TENM4: variants seen among roughly 807,000 people sequenced by gnomAD.
The protein encoded by TENM4 is teneurin-4.
In TENM4, 82 loss-of-function variants were observed where a neutral mutation model predicts 243.3. That is an observed-to-expected ratio of 0.34 (90% CI 0.28 to 0.40). The LOEUF is 0.40. Among genes scored for constraint, TENM4 ranks in the 10% least tolerant of loss-of-function variants. The pLI, the probability that TENM4 is intolerant of heterozygous loss-of-function variation, is 1.00. For synonymous variants in TENM4, 1,412 were observed against 1,456.3 expected (o/e 0.97, Z 0.69); for missense variants, 3,138 against 3,673.3 (o/e 0.85, Z 3.77).
At chr11:78,691,659 T>C (rs1398394522) in intron 28 of TENM4, among the ~76,000 whole-genome samples, 2 of 152,188 alleles carry the variant, frequency 1.3e-5, no homozygotes, top group African/African-American at 4.8e-5. Flanking sequence ...CATAATTACA[T>C]TGATCCTAAA....
In TENM4 at chr11:78,676,235, C is replaced by G. The variant is rs762097519; in HGVS notation, c.5413G>C (p.Asp1805His). ...CACTCCACCAGGTTGAGGCCGTTGT[C>G]GATGGGCAGCGTGACATTCCTCTTG... Reference protein sequence around the residue: ...VGKRNVTLPIDNGLNLVEWRQ... With the variant: ...VGKRNVTLPIHNGLNLVEWRQ... Residue 1805 changes from aspartate (D) to histidine (H), a missense_variant, in exon 30 of 34, where the codon GAC becomes CAC. Coordinates refer to ENST00000278550, the MANE Select transcript of TENM4 (RefSeq NM_001098816.3). The G allele has an allele frequency of 1.2e-5, 19 of 1,607,260 alleles. No individual in the cohort carries two copies. In the East Asian group the frequency reaches 3.8e-4, roughly 32 times the overall value.
At chr11:79,411,717 A>G (rs1467041998) in intron 1 of TENM4, among the ~76,000 whole-genome samples, 5 of 152,122 alleles carry the variant, frequency 3.3e-5, no homozygotes, top group Non-Finnish European at 7.4e-5. Flanking sequence ...GGTTTCCTCT[A>G]TCTCATCTCC....
intron 7 of TENM4, among the ~76,000 whole-genome samples, chr11:78,901,873 T>C (rs758794421): frequency 8.5e-5 from 13 of 152,342 alleles, no homozygotes; most frequent in Middle Eastern, 3.4e-3. Flanking sequence ...GCTGCATCTC[T>C]AAGAATTTTG....
chr11:78,838,069 G>A (rs549185819), intron 12 of TENM4, among the ~76,000 whole-genome samples: 9 of 152,156 alleles, frequency 5.9e-5, no homozygotes, highest in South Asian at 2.1e-4. Context: ...TAGTTCCACC[G>A]CAGCCTCAAT....
At chr11:79,388,158 C>A (rs1469969731) in intron 1 of TENM4, among the ~76,000 whole-genome samples, 3 of 152,144 alleles carry the variant, frequency 2.0e-5, no homozygotes, top group Non-Finnish European at 4.4e-5. Flanking sequence ...CAGGCCTGGG[C>A]CCCAGCAACA....
chr11:79,089,329 C>G (rs1359672378), intron 4 of TENM4, among the ~76,000 whole-genome samples: 1 of 152,228 alleles, frequency 6.6e-6, no homozygotes, highest in African/African-American at 2.4e-5. Flanking sequence ...CTGCTTTGGC[C>G]TGCTAGCTTC....
chr11:79,330,615 T>A (rs896066151), intron 1 of TENM4, among the ~76,000 whole-genome samples: 10 of 152,094 alleles, frequency 6.6e-5, no homozygotes, highest in Non-Finnish European at 1.2e-4. Flanking sequence ...AGGGTAACTG[T>A]GAGAATCAAA....
intron 6 of TENM4, among the ~76,000 whole-genome samples, chr11:78,979,086 C>CAGTG (rs1358439011): frequency 4.6e-5 from 7 of 152,024 alleles, no homozygotes. Context: ...TCTCAGTGTC[C>CAGTG]AGTGGTCTGT....
Position 78,856,035 on chromosome 11 carries a change from T to C in TENM4, c.1399A>G (p.Asn467Asp), listed in dbSNP as rs1247709684. Residue 467 changes from asparagine to aspartate, a missense_variant, in exon 11 of 34, where the codon AAT becomes GAT. By Grantham distance (23) the Asn-to-Asp change is conservative (BLOSUM62 1). Around this residue, in one of 2 missense-constraint regions of TENM4, gnomAD observed 2,467 missense variants for 3,059.1 expected, o/e 0.81. Coordinates refer to ENST00000278550, the MANE Select transcript of TENM4 (RefSeq NM_001098816.3). Reference protein sequence around the residue: ...FIDHPVHLKFNVSLGKAALVG... With the variant: ...FIDHPVHLKFDVSLGKAALVG... ...AGGGCTGCCTTTCCCAGAGACACATTGAATTTCAGATGCACAGGATGGTCT... is the reference window on the plus strand; with the variant it reads ...AGGGCTGCCTTTCCCAGAGACACATCGAATTTCAGATGCACAGGATGGTCT... 4.5e-6 allele frequency: 7 copies of C among 1,551,742 alleles called. No individual in the cohort carries two copies. Among genetic ancestry groups the C allele is most frequent in the Non-Finnish European group, 6.1e-6 (7 of 1,146,992 alleles).
intron 1 of TENM4, among the ~76,000 whole-genome samples, chr11:79,349,709 G>T (rs1016602205): frequency 6.6e-6 from 1 of 152,180 alleles, no homozygotes; most frequent in East Asian, 1.9e-4. Context: ...CAGGGAAAGG[G>T]GAGAGAGAGT....
chr11:79,035,928 T>C (rs1329661382), intron 6 of TENM4, among the ~76,000 whole-genome samples: 1 of 152,220 alleles, frequency 6.6e-6, no homozygotes, highest in Non-Finnish European at 1.5e-5. Context: ...TATTTTCATA[T>C]TATAGTCAGT....
At position 78,988,776 on chromosome 11, in the gene TENM4, G is replaced by A. The variant is rs190506390; in HGVS notation, c.493+75962C>T. Among the ~76,000 whole-genome samples the A allele has an allele frequency of 4.3e-3, 656 of 152,320 alleles. 3 individuals carry two copies. The highest frequency in any genetic ancestry group is 0.015 in the African/African-American group (635 of 41,560). On this transcript the variant is annotated intron_variant, in intron 6 of 33. Coordinates refer to ENST00000278550, the MANE Select transcript of TENM4 (RefSeq NM_001098816.3). ...TACAGCCTCCACCTTCCAGGCTCAA[G>A]CAATCCTCTCACCTCAGCCCCCTGA...
intron 4 of TENM4, among the ~76,000 whole-genome samples, chr11:79,076,673 G>A (rs1860543474): frequency 1.3e-5 from 2 of 152,146 alleles, no homozygotes; most frequent in African/African-American, 4.8e-5. Context: ...GGCTTGGATG[G>A]ATCTGGAAGG....
intron 2 of TENM4, among the ~76,000 whole-genome samples, chr11:79,281,386 T>G (rs979003555): frequency 6.6e-6 from 1 of 152,218 alleles, no homozygotes; most frequent in Non-Finnish European, 1.5e-5. Context: ...AGTCTTATTT[T>G]CATAAGAGAT....
intron 12 of TENM4, among the ~76,000 whole-genome samples, chr11:78,838,934 T>A (rs1391094299): frequency 1.3e-5 from 2 of 152,208 alleles, no homozygotes; most frequent in African/African-American, 4.8e-5. Flanking sequence ...TCCAAGTTAT[T>A]GCAAAAACAT....
intron 1 of TENM4, among the ~76,000 whole-genome samples, chr11:79,313,529 C>A (rs971737166): frequency 6.6e-6 from 1 of 152,208 alleles, no homozygotes; most frequent in Non-Finnish European, 1.5e-5. Context: ...AACTCTTTCA[C>A]AGAAAGAGCT....
intron 27 of TENM4, 118 bp from the exon 28 acceptor site, chr11:78,702,521 T>G: frequency 7.5e-6 from 9 of 1,196,988 alleles, no homozygotes; most frequent in Non-Finnish European, 1.1e-5. Context: ...TCTTGCTTGA[T>G]CCTCATGCAG....
At chr11:78,703,635 T>C (rs1262780202) in intron 27 of TENM4, among the ~76,000 whole-genome samples, 4 of 152,038 alleles carry the variant, frequency 2.6e-5, no homozygotes, top group Admixed American at 1.3e-4. Context: ...CTAGGAGGTA[T>C]TGGCACTAAG....
intron 3 of TENM4, among the ~76,000 whole-genome samples, chr11:79,149,824 T>C: frequency 6.6e-6 from 1 of 152,302 alleles, no homozygotes; most frequent in Admixed American, 6.5e-5. Flanking sequence ...ATTAGTTCCC[T>C]CACACCATTT....
Sources: gnomAD v4.1 joint callset for allele counts (sites outside exome capture counted in the v4.1 genomes callset) on GRCh38, gnomAD v4.1.1 for gene constraint, gnomAD v4.1.1 regional missense constraint, MANE v1.5 for transcripts, NCBI Gene and HGNC (gene_info 2026-07-23, HGNC 2026-07-21) for gene names.